Variants in UBE2E2 observed in about 807,000 individuals in gnomAD.
The protein encoded by UBE2E2 is ubiquitin-conjugating enzyme E2 E2.
A neutral mutation model predicts 24.7 loss-of-function variants in UBE2E2; 6 were observed. The observed-to-expected ratio is 0.24, with a 90% CI of 0.13 to 0.48. UBE2E2 has a LOEUF of 0.48. Among genes scored for constraint, UBE2E2 ranks in the 20% least tolerant of loss-of-function variants. The pLI is 0.99. For missense variants in UBE2E2, 169 were observed against 245.0 expected (o/e 0.69, Z 2.07); for synonymous variants, 104 against 83.6 (o/e 1.24, Z -1.33).
chr3:23,271,138 G>C (rs1469266613), intron 3 of UBE2E2: 2 of 422,946 alleles, frequency 4.7e-6, no homozygotes, highest in African/African-American at 4.1e-5. Context: ...TATTCTAATG[G>C]ACCTTCAAAA....
intron 5 of UBE2E2, among the ~76,000 whole-genome samples, chr3:23,586,553 C>T: frequency 6.6e-6 from 1 of 152,150 alleles, no homozygotes; most frequent in Non-Finnish European, 1.5e-5. Flanking sequence ...CACCCTCAGA[C>T]TCCCAAAGTG....
At chr3:23,566,019 T>TTAA (rs1696065778) in intron 5 of UBE2E2, among the ~76,000 whole-genome samples, 1 of 152,194 alleles carries the variant, frequency 6.6e-6, no homozygotes, top group Non-Finnish European at 1.5e-5. Flanking sequence ...TATTAATGCG[T>TTAA]TGTTTTAATG....
intron 5 of UBE2E2, among the ~76,000 whole-genome samples, chr3:23,546,819 A>T (rs1212628027): frequency 6.6e-6 from 1 of 152,134 alleles, no homozygotes; most frequent in Non-Finnish European, 1.5e-5. Context: ...CTTTTAATGA[A>T]GATAATGAAA....
chr3:23,313,661 G>A (rs752912052), intron 3 of UBE2E2, among the ~76,000 whole-genome samples: 3 of 152,138 alleles, frequency 2.0e-5, no homozygotes, highest in Non-Finnish European at 4.4e-5. Context: ...GGGATTACAG[G>A]TGTGAGCCCC....
At chr3:23,566,144 C>G (rs1696067936) in intron 5 of UBE2E2, among the ~76,000 whole-genome samples, 1 of 152,182 alleles carries the variant, frequency 6.6e-6, no homozygotes, top group Non-Finnish European at 1.5e-5. Context: ...TTTGAAAACT[C>G]ATATTTCCTC....
chr3:23,250,239 G>A (rs1697536565), intron 3 of UBE2E2, among the ~76,000 whole-genome samples: 1 of 152,114 alleles, frequency 6.6e-6, no homozygotes, highest in African/African-American at 2.4e-5. Flanking sequence ...AAACCACCTG[G>A]CTCCATTTCC....
chr3:23,211,524 G>A (rs1283716919), intron 2 of UBE2E2, among the ~76,000 whole-genome samples: 1 of 151,534 alleles, frequency 6.6e-6, no homozygotes, highest in African/African-American at 2.4e-5. Flanking sequence ...CCAAGTAGCT[G>A]GGATTACAGG....
intron 5 of UBE2E2, among the ~76,000 whole-genome samples, chr3:23,571,280 C>CTTATTTTTTTTTTTTTTTTTTTT (rs1696217892): frequency 3.3e-5 from 1 of 29,866 alleles, no homozygotes; most frequent in Non-Finnish European, 6.6e-5. Flanking sequence ...GTGCTCCTTT[C>CTTATTTTTTTTTTTTTTTTTTTT]TTTTTTTTTT....
At chr3:23,459,601 A>G (rs867918218) in intron 3 of UBE2E2, among the ~76,000 whole-genome samples, 3 of 152,342 alleles carry the variant, frequency 2.0e-5, no homozygotes, top group South Asian at 4.1e-4. Context: ...GGAGGGCTAT[A>G]TAAACACCTC....
intron 3 of UBE2E2, among the ~76,000 whole-genome samples, chr3:23,221,700 G>T (rs766843725): frequency 9.2e-5 from 14 of 151,718 alleles, no homozygotes; most frequent in Non-Finnish European, 1.3e-4. Flanking sequence ...GCAATGGCGT[G>T]ATCTTGGCTC....
In UBE2E2 at chr3:23,308,646, C is replaced by T. The variant is rs147869334; in HGVS notation, c.227+91334C>T. 7.2e-5 allele frequency among the ~76,000 whole-genome samples: 11 copies of T among 152,164 alleles called. No homozygotes were observed. The East Asian group carries it at 2.1e-3, about 29-fold the overall frequency. Reference sequence around the variant, plus strand: ...AATTTGCTATGTTTTGGATCGCTTACAAGATTAGCTGAGTGTATTAGTCAG... The same window carrying T: ...AATTTGCTATGTTTTGGATCGCTTATAAGATTAGCTGAGTGTATTAGTCAG... On this transcript the variant is annotated intron_variant, in intron 3 of 5. Transcript: ENST00000396703.
intron 3 of UBE2E2, among the ~76,000 whole-genome samples, chr3:23,311,283 G>A (rs1694383548): frequency 6.6e-6 from 1 of 152,198 alleles, no homozygotes; most frequent in African/African-American, 2.4e-5. Context: ...TTGGTTCCAA[G>A]TCTTTGCTAT....
chr3:23,568,497 G>C (rs1380228511), intron 5 of UBE2E2, among the ~76,000 whole-genome samples: 1 of 151,356 alleles, frequency 6.6e-6, no homozygotes, highest in African/African-American at 2.4e-5. Flanking sequence ...GTCTGTCATA[G>C]CCAGAGAACA....
At chr3:23,271,187 T>A (rs1014499939) in intron 3 of UBE2E2, 4 of 399,750 alleles carry the variant, frequency 1.0e-5, no homozygotes, top group Non-Finnish European at 1.9e-5. Context: ...GGGTTCTTGG[T>A]CTCGCTGACT....
intron 5 of UBE2E2, among the ~76,000 whole-genome samples, chr3:23,537,921 C>T (rs1389226604): frequency 1.3e-5 from 2 of 151,592 alleles, no homozygotes; most frequent in Non-Finnish European, 2.9e-5. Flanking sequence ...GTTTGGGAGC[C>T]GCTAGACTGA....
chr3:23,450,637 G>T (rs1343267383), intron 3 of UBE2E2, among the ~76,000 whole-genome samples: 1 of 151,990 alleles, frequency 6.6e-6, no homozygotes, highest in Admixed American at 6.6e-5. Flanking sequence ...GTTACCTTAT[G>T]ATATTAAGAA....
At chr3:23,420,779 TTACCTAA>T (rs1263682135) in intron 3 of UBE2E2, among the ~76,000 whole-genome samples, 1 of 152,200 alleles carries the variant, frequency 6.6e-6, no homozygotes, top group East Asian at 1.9e-4. Context: ...CAGGAAGCCT[TTACCTAA>T]TAGTTCACTT....
At chr3:23,511,738 G>A (rs1475012664) in intron 4 of UBE2E2, among the ~76,000 whole-genome samples, 6 of 152,090 alleles carry the variant, frequency 3.9e-5, no homozygotes, top group African/African-American at 7.2e-5. Context: ...TTTGGGGATT[G>A]GAAAGTTATT....
intron 3 of UBE2E2, among the ~76,000 whole-genome samples, chr3:23,466,835 G>A (rs1385639753): frequency 6.6e-6 from 1 of 151,872 alleles, no homozygotes; most frequent in Non-Finnish European, 1.5e-5. Flanking sequence ...CCACAGTGCT[G>A]GGATTACAGG....
Sources: allele counts gnomAD v4.1 joint callset (sites outside exome capture counted in the v4.1 genomes callset), GRCh38; gene constraint gnomAD v4.1.1; transcripts MANE v1.5; gene names NCBI Gene and HGNC (gene_info 2026-07-23, HGNC 2026-07-21).